DRD3: variants seen among roughly 807,000 people sequenced by gnomAD.
DRD3 encodes the protein dopamine receptor D3.
In DRD3, 19 loss-of-function variants were observed where a neutral mutation model predicts 36.3. That is an observed-to-expected ratio of 0.52 (90% CI 0.36 to 0.77). The LOEUF (loss-of-function observed/expected upper bound fraction) is 0.77. DRD3 is among the 30% of genes least tolerant of loss of function. DRD3 has a pLI of 0.00. For missense variants in DRD3, 465 were observed against 505.3 expected, an observed-to-expected ratio of 0.92 and a Z score of 0.77; for synonymous variants, 195 against 203.7, an observed-to-expected ratio of 0.96 and a Z score of 0.36.
chr3:114,195,756 A>G (rs1418692494), intron 1 of DRD3, among the ~76,000 whole-genome samples: 1 of 152,212 alleles, frequency 6.6e-6, no homozygotes, highest in Non-Finnish European at 1.5e-5. Flanking sequence ...TATTTATAAT[A>G]TTATAAGACT....
intron 1 of DRD3, among the ~76,000 whole-genome samples, chr3:114,193,139 C>T (rs573030987): frequency 6.6e-6 from 1 of 152,150 alleles, no homozygotes; most frequent in Non-Finnish European, 1.5e-5. Flanking sequence ...ATTAGCTGGG[C>T]GTGGTGGCGG....
At chr3:114,150,381 A>G (rs904898548) in intron 3 of DRD3, among the ~76,000 whole-genome samples, 2 of 152,176 alleles carry the variant, frequency 1.3e-5, no homozygotes, top group African/African-American at 4.8e-5. Context: ...ATGCAAATCA[A>G]TTACAATGCC....
At position 114,139,692 on chromosome 3, in the gene DRD3, G is replaced by A. The variant is rs745525596; in HGVS notation, c.531C>T (p.Asp177=). 2 of 1,613,836 alleles carry A rather than the reference G, an allele frequency of 1.2e-6. No homozygotes were observed. The highest frequency in any genetic ancestry group is 1.7e-6 in the Non-Finnish European group (2 of 1,179,834). The part of the protein sequence containing the change: ...PLLFGFNTTG[D]PTVCSISNPD... ...GGTTGGAGATGGAGCAGACAGTGGG[G>A]TCCCCTGTGGATGAGAAGGGGGAAG... The change falls in exon 5 of 7, where the codon GAC becomes GAT. Residue 177 remains aspartate (D), a synonymous_variant. Coordinates refer to ENST00000383673, the MANE Select transcript of DRD3 (RefSeq NM_000796.6).
rs188346998 is a variant in DRD3 at position 114,177,645 on chromosome 3, T to C, written c.-36+1012A>G. Reference sequence around the variant, plus strand: ...ATATTCCATAACAAATAGCCTTCTGTATGGATGCTTTAATATTAGGCACCC... The same window carrying C: ...ATATTCCATAACAAATAGCCTTCTGCATGGATGCTTTAATATTAGGCACCC... On this transcript the variant is annotated intron_variant, in intron 1 of 6. Transcript: ENST00000383673. Among the ~76,000 whole-genome samples the C allele has an allele frequency of 6.4e-4, 97 of 152,306 alleles. 1 individual carries two copies. Among genetic ancestry groups the C allele is most frequent in the African/African-American group, 2.3e-3 (95 of 41,584 alleles).
At chr3:114,187,807 T>C (rs2077983607) in intron 1 of DRD3, among the ~76,000 whole-genome samples, 1 of 152,186 alleles carries the variant, frequency 6.6e-6, no homozygotes, top group African/African-American at 2.4e-5. Context: ...AACTGTTACT[T>C]ATGTTTTAAA....
At chr3:114,139,139 C>G (rs1183523775) in intron 5 of DRD3, among the ~76,000 whole-genome samples, 1 of 152,194 alleles carries the variant, frequency 6.6e-6, no homozygotes, top group African/African-American at 2.4e-5. Context: ...GACAAAAAGT[C>G]AGTTCTGGGA....
intron 3 of DRD3, among the ~76,000 whole-genome samples, chr3:114,155,325 T>C (rs2077655765): frequency 6.6e-6 from 1 of 152,152 alleles, no homozygotes; most frequent in Non-Finnish European, 1.5e-5. Context: ...TTTTGAGGCT[T>C]GGTGAGAATT....
intron 3 of DRD3, among the ~76,000 whole-genome samples, chr3:114,159,528 A>G (rs939619533): frequency 2.6e-5 from 4 of 152,004 alleles, no homozygotes; most frequent in African/African-American, 9.7e-5. Context: ...CTCTTCAGGG[A>G]GCTGGAGGAG....
At chr3:114,147,697 T>C in intron 3 of DRD3, 140 bp from the exon 4 acceptor site, 1 of 972,980 alleles carries the variant, frequency 1.0e-6, no homozygotes. Flanking sequence ...TGATTACTGT[T>C]CACTGCAGTT....
chr3:114,198,396 C>T (rs368301594), intron 1 of DRD3, among the ~76,000 whole-genome samples: 1 of 152,032 alleles, frequency 6.6e-6, no homozygotes, highest in South Asian at 2.1e-4. Flanking sequence ...CTCAGCCTCC[C>T]AAAGTGCTGG....
At chr3:114,139,417 G>C (rs527729120) in intron 5 of DRD3, 83 bp downstream of exon 5, 1 of 1,349,106 alleles carries the variant, frequency 7.4e-7, no homozygotes, top group Admixed American at 2.3e-5. Flanking sequence ...TAGCTAAACG[G>C]CAAAATCATG....
intron 1 of DRD3, among the ~76,000 whole-genome samples, chr3:114,188,206 T>C (rs377506711): frequency 3.8e-4 from 57 of 150,608 alleles, no homozygotes; most frequent in African/African-American, 1.2e-3. Context: ...ATTTCTTTTT[T>C]TCCCTTTTTT....
rs752602616 is a variant in DRD3 at position 114,171,939 on chromosome 3, C to G, written c.54G>C (p.Glu18Asp). ...GGGCCTGGCTGGCACCTGTGGAGTT[C>G]TCTGCCCCACAGGTGTAGTTCAGGT... ...SGHLNYTCGA[E>D]NSTGASQARP... Residue 18 changes from glutamate (E) to aspartate (D), a missense_variant, in exon 2 of 7, where the codon GAG (glutamate) becomes GAC (aspartate). Glu to Asp is a conservative substitution (Grantham distance 45). Coordinates refer to ENST00000383673, the MANE Select transcript of DRD3 (RefSeq NM_000796.6). The G allele has an allele frequency of 5.7e-6, 9 of 1,583,594 alleles. 1 individual carries two copies. In the East Asian group the frequency reaches 2.1e-4, roughly 36 times the overall value.
chr3:114,146,691 T>C (rs535986503), intron 4 of DRD3, among the ~76,000 whole-genome samples: 20 of 145,694 alleles, frequency 1.4e-4, no homozygotes, highest in African/African-American at 4.6e-4. Flanking sequence ...AGAATGAGAC[T>C]TGGTCTCAAA....
At position 114,128,545 on chromosome 3, in the gene DRD3, A is replaced by C; in HGVS notation, c.*171T>G. 6 of 522,100 alleles carry C rather than the reference A, an allele frequency of 1.1e-5. No homozygotes were observed. Among genetic ancestry groups the C allele is most frequent in the Non-Finnish European group, 1.9e-5 (6 of 312,124 alleles). 32.3% of individuals were successfully genotyped at this position (522,100 alleles called of 1,614,324 possible). A position where few individuals can be genotyped will look rare whatever the true frequency, so the allele number is the denominator to read the frequency against. ...GAAGTCAGATTTTAGCTGGGGAGGT[A>C]GAATATTCTGTTTTGGAGGACACAT... On this transcript the variant is annotated 3_prime_UTR_variant, in exon 7 of 7. Transcript: ENST00000383673.
intron 1 of DRD3, among the ~76,000 whole-genome samples, chr3:114,175,139 C>A (rs1006205299): frequency 3.9e-5 from 6 of 152,082 alleles, no homozygotes; most frequent in African/African-American, 7.2e-5. Context: ...CCCCTCCCCA[C>A]AAGTTGGGAC....
chr3:114,188,714 C>T (rs902552731), intron 1 of DRD3, among the ~76,000 whole-genome samples: 2 of 152,184 alleles, frequency 1.3e-5, no homozygotes, highest in Non-Finnish European at 2.9e-5. Flanking sequence ...GCCAGATTTA[C>T]ATCACATGTC....
intron 2 of DRD3, among the ~76,000 whole-genome samples, chr3:114,170,229 G>C (rs900626854): frequency 1.3e-5 from 2 of 152,178 alleles, no homozygotes; most frequent in Non-Finnish European, 2.9e-5. Flanking sequence ...CAAAAAGTCT[G>C]AGTGTAACAA....
At chr3:114,149,334 G>A (rs1443708664) in intron 3 of DRD3, among the ~76,000 whole-genome samples, 2 of 152,176 alleles carry the variant, frequency 1.3e-5, no homozygotes, top group South Asian at 2.1e-4. Flanking sequence ...TCCAGGTCCT[G>A]TAAATTTATC....
Sources: allele counts gnomAD v4.1 joint callset (sites outside exome capture counted in the v4.1 genomes callset), GRCh38; gene constraint gnomAD v4.1.1; transcripts MANE v1.5; gene names NCBI Gene and HGNC (gene_info 2026-07-23, HGNC 2026-07-21).